Variants in ZNF609 observed in about 807,000 individuals in gnomAD.
ZNF609 encodes zinc finger protein 609.
A neutral mutation model predicts 109.5 loss-of-function variants in ZNF609; 11 were observed. That is an observed-to-expected ratio of 0.10 (90% CI 0.06 to 0.17). ZNF609 has a LOEUF of 0.17. ZNF609 is among the 10% of genes least tolerant of loss of function. ZNF609 has a pLI of 1.00. For synonymous variants in ZNF609, 646 were observed against 662.0 expected (o/e 0.98, Z 0.37); for missense variants, 1,559 against 1,772.4 (o/e 0.88, Z 2.16).
At chr15:64,504,812 A>G (rs1029014393) in intron 2 of ZNF609, among the ~76,000 whole-genome samples, 5 of 151,606 alleles carry the variant, frequency 3.3e-5, no homozygotes, top group Admixed American at 6.6e-5. Context: ...GGGTCTCGCT[A>G]TGTTGCCAAT....
At chr15:64,596,395 C>G (rs1010819751) in intron 2 of ZNF609, among the ~76,000 whole-genome samples, 2 of 152,094 alleles carry the variant, frequency 1.3e-5, no homozygotes, top group Non-Finnish European at 2.9e-5. Flanking sequence ...ACCTTGTGAT[C>G]TGGCCAACTC....
chr15:64,591,654 A>G (rs1467875541), intron 2 of ZNF609, among the ~76,000 whole-genome samples: 2 of 151,672 alleles, frequency 1.3e-5, no homozygotes, highest in African/African-American at 4.8e-5. Flanking sequence ...TGAGGTGGGT[A>G]GATCGCTTGA....
At chr15:64,607,669 T>C (rs1433476723) in intron 2 of ZNF609, among the ~76,000 whole-genome samples, 1 of 151,670 alleles carries the variant, frequency 6.6e-6, no homozygotes, top group African/African-American at 2.4e-5. Flanking sequence ...CACACCTGGC[T>C]AATTTTTGTA....
intron 2 of ZNF609, among the ~76,000 whole-genome samples, chr15:64,528,081 G>A (rs903190838): frequency 3.1e-4 from 47 of 151,964 alleles, no homozygotes; most frequent in African/African-American, 1.1e-3. Flanking sequence ...GAATTATGCA[G>A]GCTTGAGTTT....
intron 3 of ZNF609, among the ~76,000 whole-genome samples, chr15:64,654,806 C>G (rs190733956): frequency 6.6e-6 from 1 of 152,078 alleles, no homozygotes; most frequent in African/African-American, 2.4e-5. Flanking sequence ...AAAAGCATAG[C>G]GCCAAGTGGG....
At chr15:64,612,704 C>A (rs1004961320) in intron 2 of ZNF609, among the ~76,000 whole-genome samples, 7 of 149,402 alleles carry the variant, frequency 4.7e-5, no homozygotes, top group Non-Finnish European at 8.9e-5. Context: ...GAGGCAGGGT[C>A]CAAGTGTAGT....
At chr15:64,588,519 G>A (rs755623441) in intron 2 of ZNF609, among the ~76,000 whole-genome samples, 1 of 147,554 alleles carries the variant, frequency 6.8e-6, no homozygotes, top group Non-Finnish European at 1.5e-5. Context: ...TTTTTTGTTT[G>A]TTATTTGTGG....
chr15:64,554,505 T>C (rs1481409890), intron 2 of ZNF609, among the ~76,000 whole-genome samples: 2 of 151,656 alleles, frequency 1.3e-5, no homozygotes, highest in African/African-American at 2.4e-5. Context: ...ACCACAAAAA[T>C]TAGCCGGGCA....
At chr15:64,616,606 A>G (rs1156494460) in intron 2 of ZNF609, among the ~76,000 whole-genome samples, 1 of 125,274 alleles carries the variant, frequency 8.0e-6, no homozygotes, top group Non-Finnish European at 1.6e-5. Flanking sequence ...TGCAAGCTCC[A>G]CCTCCCAGGT....
Position 64,537,502 on chromosome 15 carries a change from CAAA to C in ZNF609, c.747+37347_747+37349del, listed in dbSNP as rs546622262. On this transcript the variant is annotated intron_variant, in intron 2 of 9. Transcript: ENST00000326648. ...GGGCAACAAGAGTGAAACTCTGTCT[CAAA>C]AAAAAAAAAAGAAAAAGAAAAAAAA... is the stretch of plus-strand genomic sequence containing the variant. Among the ~76,000 whole-genome samples the C allele has an allele frequency of 5.9e-5, 5 of 84,584 alleles. No homozygotes were observed. In the East Asian group the frequency reaches 1.3e-3, roughly 22 times the overall value. The allele number at this position is 84,584 out of a possible 152,430, so 55.5% of individuals were successfully genotyped here.
intron 3 of ZNF609, among the ~76,000 whole-genome samples, chr15:64,658,157 T>C (rs1339811475): frequency 1.3e-5 from 2 of 152,188 alleles, no homozygotes; most frequent in Non-Finnish European, 2.9e-5. Flanking sequence ...GCAGTTCTTA[T>C]ACTTTTTGGT....
At chr15:64,544,654 T>C (rs1336266494) in intron 2 of ZNF609, among the ~76,000 whole-genome samples, 1 of 152,206 alleles carries the variant, frequency 6.6e-6, no homozygotes, top group East Asian at 1.9e-4. Context: ...TTATCTGAAA[T>C]GCCTTTCCAA....
At chr15:64,548,942 GC>G (rs1894414852) in intron 2 of ZNF609, among the ~76,000 whole-genome samples, 1 of 152,156 alleles carries the variant, frequency 6.6e-6, no homozygotes, top group Admixed American at 6.5e-5. Flanking sequence ...TAGTGGTAAT[GC>G]TGGTGCAAAG....
At chr15:64,511,767 T>C (rs1400689452) in intron 2 of ZNF609, among the ~76,000 whole-genome samples, 1 of 148,920 alleles carries the variant, frequency 6.7e-6, no homozygotes, top group East Asian at 2.0e-4. Context: ...CAGGCTGGAG[T>C]GCAGTGGCGC....
At chr15:64,598,280 A>G (rs577135164) in intron 2 of ZNF609, among the ~76,000 whole-genome samples, 11 of 152,068 alleles carry the variant, frequency 7.2e-5, no homozygotes, top group African/African-American at 2.4e-4. Context: ...ACGCCTGGCT[A>G]ATTTTTTGTA....
intron 3 of ZNF609, among the ~76,000 whole-genome samples, chr15:64,638,721 C>G (rs1391301236): frequency 2.0e-5 from 3 of 151,894 alleles, no homozygotes; most frequent in African/African-American, 7.3e-5. Flanking sequence ...CATGGCGAAA[C>G]TCCATCTCTA....
intron 3 of ZNF609, among the ~76,000 whole-genome samples, chr15:64,648,013 C>G (rs1298075119): frequency 6.6e-6 from 1 of 152,138 alleles, no homozygotes; most frequent in East Asian, 1.9e-4. Context: ...ATAGGTCAAA[C>G]GTAAAATCAA....
At position 64,626,091 on chromosome 15, in the gene ZNF609, A is replaced by G. The variant is rs185812575; in HGVS notation, c.973+3039A>G. 4.5e-3 allele frequency among the ~76,000 whole-genome samples: 682 copies of G among 151,984 alleles called. 6 individuals carry two copies. The highest frequency in any genetic ancestry group is 0.015 in the South Asian group (73 of 4,806). On this transcript the variant is annotated intron_variant, in intron 3 of 9. Transcript: ENST00000326648. ...AGGTTTGAGATCAGTCTCGTTGTCT[A>G]AATCTGTAAGATTTTTAATCCTACT...
At chr15:64,637,724 T>C (rs1896196190) in intron 3 of ZNF609, among the ~76,000 whole-genome samples, 1 of 152,034 alleles carries the variant, frequency 6.6e-6, no homozygotes, top group Admixed American at 6.6e-5. Flanking sequence ...CATTTTTGGA[T>C]TGGGTTGTAT....
Sources: allele counts gnomAD v4.1 joint callset (sites outside exome capture counted in the v4.1 genomes callset), GRCh38; gene constraint gnomAD v4.1.1; transcripts MANE v1.5; gene names NCBI Gene and HGNC (gene_info 2026-07-23, HGNC 2026-07-21).